The following SYNE1 variants were observed in gnomAD, a reference collection of about 807,000 sequenced individuals.
SYNE1 encodes nesprin-1.
A neutral mutation model predicts 1,111.0 loss-of-function variants in SYNE1; 616 were observed. The ratio of observed to expected loss-of-function variants is 0.55; its 90% CI spans 0.52 to 0.59. The LOEUF (loss-of-function observed/expected upper bound fraction) is 0.59. SYNE1 is among the 20% of genes least tolerant of loss of function. The pLI, the probability that SYNE1 is intolerant of heterozygous loss-of-function variation, is 0.00. For synonymous variants in SYNE1, 3,855 were observed against 3,825.8 expected (o/e 1.01, Z -0.28); for missense variants, 10,006 against 10,417.0 (o/e 0.96, Z 1.72).
intron 64 of SYNE1, among the ~76,000 whole-genome samples, chr6:152,360,513 T>C (rs1012223426): frequency 6.6e-6 from 1 of 152,212 alleles, no homozygotes; most frequent in African/African-American, 2.4e-5. Flanking sequence ...TATGAGCCTT[T>C]TCAAAATGAT....
chr6:152,541,472 G>T (rs193205630), intron 3 of SYNE1, among the ~76,000 whole-genome samples: 1 of 152,216 alleles, frequency 6.6e-6, no homozygotes, highest in East Asian at 1.9e-4. Context: ...GAATTGGCCA[G>T]GCGTGGCGGC....
intron 59 of SYNE1, among the ~76,000 whole-genome samples, chr6:152,371,665 G>T (rs1347023338): frequency 1.2e-5 from 1 of 80,656 alleles, no homozygotes; most frequent in East Asian, 4.8e-4. Context: ...GGAAGGCAGA[G>T]AGAGAGGGGA....
intron 6 of SYNE1, among the ~76,000 whole-genome samples, chr6:152,518,066 G>A (rs1002625733): frequency 3.3e-5 from 5 of 151,698 alleles, no homozygotes; most frequent in African/African-American, 7.3e-5. Context: ...TCCCACTGAC[G>A]GGGATGGGGA....
chr6:152,411,865 T>A (rs2098057956), intron 42 of SYNE1, among the ~76,000 whole-genome samples: 1 of 152,154 alleles, frequency 6.6e-6, no homozygotes, highest in South Asian at 2.1e-4. Flanking sequence ...CTGGTGTGAG[T>A]GCAAAATGGT....
At chr6:152,436,193 G>T in intron 32 of SYNE1, 92 bp from the exon 33 acceptor site, 1 of 1,326,474 alleles carries the variant, frequency 7.5e-7, no homozygotes, top group Non-Finnish European at 1.0e-6. Context: ...AGAACAGATG[G>T]GTGGATGAAG....
Position 152,483,190 on chromosome 6 carries a change from A to C in SYNE1, c.1245T>G (p.Gly415=). The change falls in exon 14 of 146, where the codon GGT becomes GGG. Residue 415 remains glycine (G), a synonymous_variant. Coordinates refer to ENST00000367255, the MANE Select transcript of SYNE1 (RefSeq NM_182961.4). ...KSLPAPLGTI[G]AWLYRAEVAL... is the part of the protein sequence containing the mutation. ...CCACCTCCGCTCTGTACAGCCAGGC[A>C]CCTATGGTGCCCAGAGGTGCAGGAA... is the stretch of plus-strand genomic sequence containing the variant. 6.2e-7 allele frequency: 1 copy of C among 1,614,204 alleles called. No individual in the cohort carries two copies.
chr6:152,183,383 G>A (rs766523787), intron 128 of SYNE1, among the ~76,000 whole-genome samples: 2 of 152,064 alleles, frequency 1.3e-5, no homozygotes, highest in Non-Finnish European at 2.9e-5. Context: ...TTGGGAGGCC[G>A]AGGTGGGCAG....
At chr6:152,174,721 G>A (rs1229883544) in intron 130 of SYNE1, among the ~76,000 whole-genome samples, 1 of 152,228 alleles carries the variant, frequency 6.6e-6, no homozygotes, top group South Asian at 2.1e-4. Context: ...ATGTGTGCGT[G>A]ATGATGGACA....
chr6:152,441,420 T>G (rs1036721858), intron 31 of SYNE1, 150 bp from the exon 32 acceptor site: 10 of 835,474 alleles, frequency 1.2e-5, no homozygotes, highest in South Asian at 1.8e-5. Context: ...TAGTATCTTC[T>G]GTAAGAATTT....
rs886061205 is a variant in SYNE1, at chr6:152,359,456, T to A, written c.10302A>T (p.Leu3434Phe). ...DKTTMLGKAK[L>F]LNEEVLSYSS... Reference sequence around the variant, plus strand: ...TGTAACTCAGCACTTCTTCATTTAATAACTAGAGAGCATTTAAGAAAAATA... The same window carrying A: ...TGTAACTCAGCACTTCTTCATTTAAAAACTAGAGAGCATTTAAGAAAAATA... Residue 3434 changes from leucine to phenylalanine, a missense_variant and splice_region_variant, in exon 65 of 146, where the codon TTA becomes TTT. Leu to Phe is a conservative substitution (Grantham distance 22). This residue lies in a region of SYNE1 where 4,955 missense variants were observed against 5,017.2 expected (regional missense o/e 0.99). Coordinates refer to ENST00000367255, the MANE Select transcript of SYNE1 (RefSeq NM_182961.4). 6.2e-7 allele frequency: 1 copy of A among 1,614,100 alleles called. No homozygotes were observed. Among genetic ancestry groups the A allele is most frequent in the Non-Finnish European group, 8.5e-7 (1 of 1,180,036 alleles).
chr6:152,356,432 T>C (rs1243920963), intron 66 of SYNE1, among the ~76,000 whole-genome samples: 1 of 148,634 alleles, frequency 6.7e-6, no homozygotes, highest in Non-Finnish European at 1.5e-5. Context: ...GAAAAAATAG[T>C]TCAATATTTA....
At chr6:152,327,315 GA>G (rs71868416) in intron 78 of SYNE1, among the ~76,000 whole-genome samples, 6,239 of 143,798 alleles carry the variant, frequency 0.043, 434 homozygotes, top group African/African-American at 0.15. Context: ...GAAAAGAAAA[GA>G]AAAAAAAAAG....
chr6:152,414,959 C>T (rs939049379), intron 41 of SYNE1, among the ~76,000 whole-genome samples: 13 of 152,040 alleles, frequency 8.6e-5, no homozygotes, highest in African/African-American at 2.2e-4. Flanking sequence ...CCTCAGGAGC[C>T]CAGTCCCAAT....
At chr6:152,199,725 A>G (rs1319772301) in intron 127 of SYNE1, among the ~76,000 whole-genome samples, 1 of 152,200 alleles carries the variant, frequency 6.6e-6, no homozygotes, top group African/African-American at 2.4e-5. Context: ...GGCAATGGCA[A>G]TTAGCGGTGC....
chr6:152,377,926 G>A (rs1172367945), intron 56 of SYNE1, among the ~76,000 whole-genome samples: 1 of 151,850 alleles, frequency 6.6e-6, no homozygotes, highest in Non-Finnish European at 1.5e-5. Flanking sequence ...TAATAGATGA[G>A]GGAGACACAT....
Position 152,352,072 on chromosome 6 carries a change from G to A in SYNE1, c.11535C>T (p.Pro3845=). 2 of 1,614,068 alleles carry A rather than the reference G, an allele frequency of 1.2e-6. No individual in the cohort carries two copies. The highest frequency in any genetic ancestry group is 1.7e-6 in the Non-Finnish European group (2 of 1,180,016). ...YQEILHVPEE[P]KMELYEKKAQ... ...CTTTTTTCTCATATAATTCCATTTT[G>A]GGTTCTTCAGGAACATGTAGAATTT... The change falls in exon 70 of 146, where the codon CCC becomes CCT. Residue 3845 remains proline (P), a synonymous_variant. Coordinates refer to ENST00000367255, the MANE Select transcript of SYNE1 (RefSeq NM_182961.4).
chr6:152,316,659 C>T (rs760387555), intron 87 of SYNE1, 190 bp downstream of exon 87: 2 of 635,064 alleles, frequency 3.1e-6, no homozygotes, highest in East Asian at 2.8e-5. Context: ...TTTATTTATT[C>T]AATTTCATGA....
intron 42 of SYNE1, among the ~76,000 whole-genome samples, chr6:152,412,613 A>AT (rs1480846330): frequency 6.6e-6 from 1 of 152,146 alleles, no homozygotes; most frequent in Non-Finnish European, 1.5e-5. Context: ...AGATAAGGCC[A>AT]TTTTTTAGGT....
At chr6:152,259,297 C>T (rs948857019) in intron 101 of SYNE1, among the ~76,000 whole-genome samples, 5 of 151,966 alleles carry the variant, frequency 3.3e-5, no homozygotes, top group African/African-American at 9.7e-5. Context: ...GAAATGTATG[C>T]ACTATTTCCT....
Sources: allele counts gnomAD v4.1 joint callset (sites outside exome capture counted in the v4.1 genomes callset), GRCh38; gene constraint gnomAD v4.1.1; regional missense constraint gnomAD v4.1.1; transcripts MANE v1.5; gene names NCBI Gene and HGNC (gene_info 2026-07-23, HGNC 2026-07-21).